The following GALNT9 variants were observed in gnomAD, a reference collection of about 807,000 sequenced individuals.
GALNT9 encodes polypeptide N-acetylgalactosaminyltransferase 9.
In GALNT9, 47 loss-of-function variants were observed where a neutral mutation model predicts 63.1. That is an observed-to-expected ratio of 0.75 (90% CI 0.59 to 0.95). GALNT9 has a LOEUF of 0.95. Ranked by LOEUF, GALNT9 falls within the 40% of genes least tolerant of loss-of-function variation. GALNT9 has a pLI of 0.00. For missense variants in GALNT9, 829 were observed against 874.8 expected (o/e 0.95, Z 0.66); for synonymous variants, 396 against 365.7 (o/e 1.08, Z -0.94).
Position 132,282,228 on chromosome 12 carries a change from A to C in GALNT9, c.419+4022T>G, listed in dbSNP as rs564317694. ...GAAGAGGAATCAGCTCCACTGCAGCAAGGCCAGGCCTGGGGTCCCACATCC... is the reference window on the plus strand; with the variant it reads ...GAAGAGGAATCAGCTCCACTGCAGCCAGGCCAGGCCTGGGGTCCCACATCC... On this transcript the variant is annotated intron_variant, in intron 2 of 10. Transcript: ENST00000328957. The surrounding 1 kb of genome is among the most constrained non-coding windows in gnomAD (Gnocchi z 4.5). 4.0e-5 allele frequency among the ~76,000 whole-genome samples: 6 copies of C among 150,602 alleles called. No individual in the cohort carries two copies. In the South Asian group the frequency reaches 1.1e-3, roughly 27 times the overall value.
chr12:132,241,515 C>G (rs1315488445), intron 6 of GALNT9, among the ~76,000 whole-genome samples: 5 of 118,258 alleles, frequency 4.2e-5, no homozygotes, highest in Admixed American at 1.6e-4. Flanking sequence ...ATACCCATTA[C>G]ACACACGCCA....
chr12:132,224,584 AC>A (rs1877568539), intron 6 of GALNT9, among the ~76,000 whole-genome samples: 1 of 37,088 alleles, frequency 2.7e-5, no homozygotes, highest in Non-Finnish European at 5.2e-5. Context: ...ACACACACAC[AC>A]CACACAACCC....
At chr12:132,299,307 T>C (rs1368980122) in intron 1 of GALNT9, among the ~76,000 whole-genome samples, 161 of 83,516 alleles carry the variant, frequency 1.9e-3, no homozygotes, top group Middle Eastern at 0.02. Flanking sequence ...TCCCACCACA[T>C]CTAACCCATC....
chr12:132,266,843 C>A (rs1489758232), intron 2 of GALNT9, among the ~76,000 whole-genome samples: 2 of 152,188 alleles, frequency 1.3e-5, no homozygotes, highest in African/African-American at 2.4e-5. Context: ...TGGGCCACCA[C>A]CGAGTCGGGC....
At position 132,305,518 on chromosome 12, in the gene GALNT9, GCCTCACCCGGGCACAC is replaced by G. The variant is rs1472738246; in HGVS notation, c.239-19104_239-19089del. On this transcript the variant is annotated intron_variant, in intron 1 of 10. Transcript: ENST00000328957. ...CGGGGCACACCCTCACCCGGGCACA[GCCTCACCCGGGCACAC>G]CCTCACCCGGGCACACCCTCACCGG... Among the ~76,000 whole-genome samples the G allele has an allele frequency of 6.2e-4, 17 of 27,366 alleles. 1 individual carries two copies. Among genetic ancestry groups the G allele is most frequent in the African/African-American group, 7.0e-4 (4 of 5,718 alleles). The allele number at this position is 27,366 out of a possible 152,430, so 18.0% of individuals were successfully genotyped here. A position where few individuals can be genotyped will look rare whatever the true frequency, so the allele number is the denominator to read the frequency against.
intron 1 of GALNT9, 150 bp downstream of exon 1, chr12:132,328,816 C>T: frequency 1.0e-6 from 1 of 999,698 alleles, no homozygotes; most frequent in South Asian, 2.2e-5. Flanking sequence ...GAAGGGGCTT[C>T]CGCGGCCCTT....
chr12:132,256,106 T>C (rs1879100184), intron 5 of GALNT9, among the ~76,000 whole-genome samples: 2 of 152,162 alleles, frequency 1.3e-5, no homozygotes, highest in African/African-American at 2.4e-5. Context: ...TGCATCCATG[T>C]GATCTTTGCA....
intron 6 of GALNT9, among the ~76,000 whole-genome samples, chr12:132,225,693 CCATA>C (rs1393710405): frequency 2.7e-5 from 4 of 146,730 alleles, no homozygotes; most frequent in East Asian, 2.1e-4. Flanking sequence ...CGTACACACC[CCATA>C]CACACACTGT....
chr12:132,298,324 C>A (rs1555243438), intron 1 of GALNT9, among the ~76,000 whole-genome samples: 1 of 151,924 alleles, frequency 6.6e-6, no homozygotes, highest in Non-Finnish European at 1.5e-5. Context: ...TTAACCCACC[C>A]ATGAGATAAA....
intron 2 of GALNT9, among the ~76,000 whole-genome samples, chr12:132,271,874 T>C (rs1879879303): frequency 6.6e-6 from 1 of 152,116 alleles, no homozygotes; most frequent in African/African-American, 2.4e-5. Context: ...TTCAGTGCTG[T>C]GTGTGTTACT....
Position 132,245,442 on chromosome 12 carries a change from A to T in GALNT9, c.1077+2468T>A, listed in dbSNP as rs994427601. On this transcript the variant is annotated intron_variant, in intron 6 of 10. Coordinates refer to ENST00000328957, the MANE Select transcript of GALNT9 (RefSeq NM_001122636.2). This position sits in a 1 kb window ranked among gnomAD's most constrained non-coding sequence, Gnocchi z 6.3. ...GGGCAACAGAGTAAGACTCTGTCTT[A>T]AAAAAAAGAAAGGCCCATGTGTCAT... is the stretch of plus-strand genomic sequence containing the variant. Among the ~76,000 whole-genome samples, 6 of 151,874 alleles carry T rather than the reference A, an allele frequency of 4.0e-5. No homozygotes were observed. Among genetic ancestry groups the T allele is most frequent in the Non-Finnish European group, 8.8e-5 (6 of 67,950 alleles).
intron 1 of GALNT9, among the ~76,000 whole-genome samples, chr12:132,312,289 T>C (rs55951030): frequency 0.085 from 12,997 of 152,248 alleles, 653 homozygotes; most frequent in African/African-American, 0.14. Flanking sequence ...GCAAGGGAGA[T>C]AGGGAATGAC....
At position 132,326,278 on chromosome 12, in the gene GALNT9, G is replaced by A. The variant is rs534114923; in HGVS notation, c.238+2688C>T. 1.1e-3 allele frequency among the ~76,000 whole-genome samples: 173 copies of A among 152,244 alleles called. 3 individuals carry two copies. The highest frequency in any genetic ancestry group is 9.7e-4 in the Non-Finnish European group (66 of 68,040). Reference sequence around the variant, plus strand: ...CAAAACCATGGATGCTGTCTTTTATGTGCAACTGAAGATATTCAGAAGGGT... The same window carrying A: ...CAAAACCATGGATGCTGTCTTTTATATGCAACTGAAGATATTCAGAAGGGT... On this transcript the variant is annotated intron_variant, in intron 1 of 10. Coordinates refer to ENST00000328957, the MANE Select transcript of GALNT9 (RefSeq NM_001122636.2).
At chr12:132,240,600 G>A (rs115283014) in intron 6 of GALNT9, 12 of 455,550 alleles carry the variant, frequency 2.6e-5, no homozygotes, top group South Asian at 6.2e-5. Flanking sequence ...TGTGGGCTCC[G>A]TGCGTGGCCC....
rs782243908 is a variant in GALNT9, at chr12:132,282,393, A to G, written c.419+3857T>C. 4.6e-5 allele frequency among the ~76,000 whole-genome samples: 7 copies of G among 151,120 alleles called. No homozygotes were observed. Among genetic ancestry groups the G allele is most frequent in the Non-Finnish European group, 1.0e-4 (7 of 67,968 alleles). ...TGTGCTTAAAGAAAAAACTAAAAAT[A>G]CGTGTGTGCGCGTGTGTGCGTGTGT... On this transcript the variant is annotated intron_variant, in intron 2 of 10. Transcript: ENST00000328957. This position sits in a 1 kb window ranked among gnomAD's most constrained non-coding sequence, Gnocchi z 4.5.
chr12:132,210,891 G>A (rs1478451946), intron 6 of GALNT9, among the ~76,000 whole-genome samples: 2 of 151,488 alleles, frequency 1.3e-5, no homozygotes. Flanking sequence ...CTGGGTGGTC[G>A]CTGTCTGGAG....
intron 7 of GALNT9, among the ~76,000 whole-genome samples, chr12:132,201,534 C>T (rs1876116749): frequency 6.6e-6 from 1 of 152,190 alleles, no homozygotes; most frequent in Non-Finnish European, 1.5e-5. Flanking sequence ...TCGTCCACAC[C>T]CACCCGGGCC....
In GALNT9 at chr12:132,329,404, C is replaced by G. The variant is rs1373349609; in HGVS notation, c.-201G>C. 5 of 645,494 alleles carry G rather than the reference C, an allele frequency of 7.7e-6. No homozygotes were observed. The highest frequency in any genetic ancestry group is 1.1e-5 in the Non-Finnish European group (5 of 461,950). 40.0% of individuals were successfully genotyped at this position (645,494 alleles called of 1,614,324 possible). The stretch of plus-strand genomic sequence containing the variant: ...GGTCCCCCAGAGCGCAGAGGGCTGC[C>G]CGGGGCTGGGGTCGCGGGGCGCGGC... On this transcript the variant is annotated 5_prime_UTR_variant, in exon 1 of 11. Coordinates refer to ENST00000328957, the MANE Select transcript of GALNT9 (RefSeq NM_001122636.2).
intron 5 of GALNT9, among the ~76,000 whole-genome samples, chr12:132,253,886 G>A (rs1169197271): frequency 2.6e-5 from 4 of 152,244 alleles, no homozygotes; most frequent in African/African-American, 9.6e-5. Context: ...CTGGGTGGCA[G>A]CTGCTCCCCT....
Sources: gnomAD v4.1 joint callset for allele counts (sites outside exome capture counted in the v4.1 genomes callset) on GRCh38, gnomAD v4.1.1 for gene constraint, Gnocchi (gnomAD v3.1) non-coding constraint, MANE v1.5 for transcripts, NCBI Gene and HGNC (gene_info 2026-07-23, HGNC 2026-07-21) for gene names.